CRIM1: variants seen among roughly 807,000 people sequenced by gnomAD.
CRIM1 encodes cysteine-rich motor neuron 1 protein.
A neutral mutation model predicts 116.4 loss-of-function variants in CRIM1; 32 were observed. The ratio of observed to expected loss-of-function variants is 0.27; its 90% CI spans 0.21 to 0.37. The LOEUF (loss-of-function observed/expected upper bound fraction) is 0.37, where lower values mean the gene tolerates loss of function less well. Among genes scored for constraint, CRIM1 ranks in the 10% least tolerant of loss-of-function variants. The pLI is 1.00. For missense variants in CRIM1, 1,331 were observed against 1,354.8 expected (o/e 0.98, Z 0.28); for synonymous variants, 590 against 509.2 (o/e 1.16, Z -2.13).
chr2:36,475,047 G>C (rs1480565425), intron 5 of CRIM1, among the ~76,000 whole-genome samples: 1 of 151,978 alleles, frequency 6.6e-6, no homozygotes, highest in Non-Finnish European at 1.5e-5. Flanking sequence ...CTCTAACTTT[G>C]TTCTCCCTTT....
chr2:36,499,431 A>G (rs1014306321), intron 8 of CRIM1, 84 bp downstream of exon 8: 22 of 1,407,546 alleles, frequency 1.6e-5, no homozygotes, highest in South Asian at 6.6e-5. Context: ...TATCTTTTTC[A>G]CTTCTGTTCA....
intron 15 of CRIM1, among the ~76,000 whole-genome samples, chr2:36,546,644 G>A (rs182145104): frequency 2.0e-5 from 3 of 151,750 alleles, no homozygotes; most frequent in Admixed American, 6.6e-5. Flanking sequence ...TATGTTAACA[G>A]TAATCAAAAT....
chr2:36,407,904 A>G (rs1370739764), intron 2 of CRIM1, among the ~76,000 whole-genome samples: 1 of 152,100 alleles, frequency 6.6e-6, no homozygotes, highest in Non-Finnish European at 1.5e-5. Flanking sequence ...GTTCTATACC[A>G]TTCATTCATG....
chr2:36,469,706 T>C (rs1678339781), intron 5 of CRIM1, among the ~76,000 whole-genome samples: 1 of 152,178 alleles, frequency 6.6e-6, no homozygotes, highest in African/African-American at 2.4e-5. Context: ...GCAATTATGC[T>C]CATAATGTTT....
chr2:36,501,809 G>A (rs1681021791), intron 8 of CRIM1, among the ~76,000 whole-genome samples: 1 of 152,064 alleles, frequency 6.6e-6, no homozygotes, highest in African/African-American at 2.4e-5. Flanking sequence ...CCCATTTGGG[G>A]GTATTCTGAC....
chr2:36,468,969 C>T (rs1267856933), intron 5 of CRIM1, among the ~76,000 whole-genome samples: 1 of 152,132 alleles, frequency 6.6e-6, no homozygotes, highest in Non-Finnish European at 1.5e-5. Context: ...AAAACGTTCC[C>T]CAAGTGAGTA....
intron 8 of CRIM1, among the ~76,000 whole-genome samples, chr2:36,499,661 G>A (rs1054892480): frequency 6.6e-6 from 1 of 152,048 alleles, no homozygotes; most frequent in Non-Finnish European, 1.5e-5. Context: ...AGGTCATCCA[G>A]TGACAAGGAG....
chr2:36,395,292 A>G (rs1671940451), intron 1 of CRIM1, among the ~76,000 whole-genome samples: 1 of 151,346 alleles, frequency 6.6e-6, no homozygotes. Flanking sequence ...ATGAGCCACC[A>G]CTCCCAGCCA....
At chr2:36,379,062 T>A (rs1279306916) in intron 1 of CRIM1, 1 of 152,246 alleles carries the variant, frequency 6.6e-6, no homozygotes, top group African/African-American at 2.4e-5. Context: ...CTCATTCAAA[T>A]GAAACAGCTT....
chr2:36,460,634 A>G (rs1677509875), intron 4 of CRIM1, among the ~76,000 whole-genome samples: 1 of 152,198 alleles, frequency 6.6e-6, no homozygotes, highest in Admixed American at 6.5e-5. Context: ...GCCTTTATGA[A>G]TTCACAGTAG....
intron 12 of CRIM1, among the ~76,000 whole-genome samples, chr2:36,518,984 A>G (rs1430928087): frequency 2.0e-5 from 3 of 152,220 alleles, no homozygotes; most frequent in Non-Finnish European, 4.4e-5. Context: ...AAACAATCCA[A>G]TATTCCACGT....
intron 13 of CRIM1, among the ~76,000 whole-genome samples, chr2:36,525,278 T>A (rs1665680386): frequency 6.6e-6 from 1 of 152,224 alleles, no homozygotes; most frequent in African/African-American, 2.4e-5. Flanking sequence ...CCCTGCTATA[T>A]CTAAACATAC....
At chr2:36,408,334 G>A (rs1427899401) in intron 2 of CRIM1, among the ~76,000 whole-genome samples, 1 of 152,204 alleles carries the variant, frequency 6.6e-6, no homozygotes, top group African/African-American at 2.4e-5. Flanking sequence ...TGTGGTTTCT[G>A]ACTTGGCTGT....
In CRIM1 at chr2:36,548,694, C is replaced by G. The variant is rs1249300799; in HGVS notation, c.3104C>G (p.Thr1035Arg). Residue 1035 changes from threonine (T) to arginine (R), a missense_variant, in exon 17 of 17, where the codon ACA becomes AGA. Around this residue, in one of 3 missense-constraint regions of CRIM1, gnomAD observed 283 missense variants for 242.8 expected, o/e 1.17. Coordinates refer to ENST00000280527, the MANE Select transcript of CRIM1 (RefSeq NM_016441.3). ...CTACAGGCAGACAATTTCTACCAAA[C>G]AGTGTGAAGAAAGGCAACTAGGATG... ...NHLQADNFYQ[T>R]V 6.3e-7 allele frequency: 1 copy of G among 1,585,888 alleles called. No homozygotes were observed. The highest frequency in any genetic ancestry group is 8.5e-7 in the Non-Finnish European group (1 of 1,170,944).
intron 2 of CRIM1, among the ~76,000 whole-genome samples, chr2:36,434,826 T>C (rs535434781): frequency 7.3e-4 from 111 of 152,334 alleles, no homozygotes; most frequent in Non-Finnish European, 1.5e-3. Context: ...CCTTTCTTCT[T>C]GCTTTAGAGC....
At chr2:36,531,416 T>C (rs929079735) in intron 13 of CRIM1, among the ~76,000 whole-genome samples, 2 of 151,890 alleles carry the variant, frequency 1.3e-5, no homozygotes, top group African/African-American at 4.8e-5. Context: ...TTTTTTTTTT[T>C]TCCAGAGGCT....
At chr2:36,370,955 G>T (rs1669905482) in intron 1 of CRIM1, among the ~76,000 whole-genome samples, 1 of 152,136 alleles carries the variant, frequency 6.6e-6, no homozygotes, top group Admixed American at 6.5e-5. Context: ...TGACCATCTT[G>T]CTCCTGAAGT....
chr2:36,394,942 C>T (rs975242524), intron 1 of CRIM1, among the ~76,000 whole-genome samples: 13 of 150,854 alleles, frequency 8.6e-5, no homozygotes, highest in Non-Finnish European at 1.5e-4. Context: ...ACTTCACTTA[C>T]GTACTGAGCA....
intron 5 of CRIM1, among the ~76,000 whole-genome samples, chr2:36,476,276 A>G (rs567991506): frequency 6.6e-6 from 1 of 152,100 alleles, no homozygotes; most frequent in Non-Finnish European, 1.5e-5. Context: ...TGAGTAAACT[A>G]CCTAGGATTT....
Sources: gnomAD v4.1 joint callset for allele counts (sites outside exome capture counted in the v4.1 genomes callset) on GRCh38, gnomAD v4.1.1 for gene constraint, gnomAD v4.1.1 regional missense constraint, MANE v1.5 for transcripts, NCBI Gene and HGNC (gene_info 2026-07-23, HGNC 2026-07-21) for gene names.